PTPRR: variants seen among roughly 807,000 people sequenced by gnomAD.
PTPRR encodes receptor-type tyrosine-protein phosphatase R.
PTPRR carries 38 observed loss-of-function variants against 77.2 expected under a neutral mutation model. The observed-to-expected ratio is 0.49, with a 90% CI of 0.38 to 0.65. The LOEUF (loss-of-function observed/expected upper bound fraction) is 0.65, where lower values mean the gene tolerates loss of function less well. Among genes scored for constraint, PTPRR ranks in the 30% least tolerant of loss-of-function variants. PTPRR has a pLI of 0.00. For missense variants in PTPRR, 744 were observed against 799.2 expected (o/e 0.93, Z 0.83); for synonymous variants, 299 against 283.1 (o/e 1.06, Z -0.57).
intron 10 of PTPRR, among the ~76,000 whole-genome samples, chr12:70,674,644 A>C (rs1458422527): frequency 1.3e-5 from 2 of 152,178 alleles, no homozygotes; most frequent in Non-Finnish European, 2.9e-5. Flanking sequence ...GACTTGCTAT[A>C]TAGTCGTAGT....
chr12:70,819,577 C>G (rs996210335), intron 2 of PTPRR, among the ~76,000 whole-genome samples: 1 of 152,178 alleles, frequency 6.6e-6, no homozygotes, highest in African/African-American at 2.4e-5. Context: ...CAGTAAGTCA[C>G]TATTCTCTCA....
chr12:70,751,694 AT>A (rs66605644), intron 5 of PTPRR, among the ~76,000 whole-genome samples: 22,742 of 151,996 alleles, frequency 0.15, 2,040 homozygotes, highest in African/African-American at 0.26. Flanking sequence ...TTAATATACT[AT>A]TTTTTAGAGT....
intron 1 of PTPRR, among the ~76,000 whole-genome samples, chr12:70,918,844 G>A (rs1157251287): frequency 6.6e-6 from 1 of 152,158 alleles, no homozygotes; most frequent in African/African-American, 2.4e-5. Context: ...TCAACCCAAT[G>A]TGTATGTTTT....
chr12:70,759,656 G>A (rs1890642324), intron 4 of PTPRR, among the ~76,000 whole-genome samples: 1 of 130,194 alleles, frequency 7.7e-6, no homozygotes, highest in South Asian at 2.5e-4. Context: ...CTCCAGCCTG[G>A]GAGACAGAGC....
At chr12:70,785,740 A>G (rs1316446865) in intron 2 of PTPRR, among the ~76,000 whole-genome samples, 3 of 152,206 alleles carry the variant, frequency 2.0e-5, no homozygotes, top group African/African-American at 7.2e-5. Flanking sequence ...ATAGAAGAAA[A>G]CAGATTTAAC....
intron 3 of PTPRR, among the ~76,000 whole-genome samples, chr12:70,762,691 C>T (rs182461412): frequency 6.6e-6 from 1 of 152,322 alleles, no homozygotes; most frequent in East Asian, 1.9e-4. Context: ...CAAAACACCG[C>T]TAAGCGATAG....
At chr12:70,869,721 C>T (rs1247260569) in intron 2 of PTPRR, among the ~76,000 whole-genome samples, 1 of 151,980 alleles carries the variant, frequency 6.6e-6, no homozygotes, top group Non-Finnish European at 1.5e-5. Flanking sequence ...TGGGGCATTG[C>T]TATAAGGGGA....
chr12:70,813,942 G>A (rs895929438), intron 2 of PTPRR, among the ~76,000 whole-genome samples: 6 of 152,122 alleles, frequency 3.9e-5, no homozygotes, highest in African/African-American at 4.8e-5. Flanking sequence ...AAAAGAACAC[G>A]GGGAATAGTC....
chr12:70,832,249 A>C (rs556455974), intron 2 of PTPRR, among the ~76,000 whole-genome samples: 1 of 152,306 alleles, frequency 6.6e-6, no homozygotes, highest in African/African-American at 2.4e-5. Context: ...CAAGTATGTA[A>C]GTAGAGTAGG....
chr12:70,652,932 A>G (rs1046839893), intron 13 of PTPRR, among the ~76,000 whole-genome samples: 3 of 152,184 alleles, frequency 2.0e-5, no homozygotes, highest in Admixed American at 1.3e-4. Flanking sequence ...GCAAGAATTA[A>G]TGGTAACATA....
At chr12:70,668,135 C>G (rs1887077850) in intron 10 of PTPRR, among the ~76,000 whole-genome samples, 1 of 152,142 alleles carries the variant, frequency 6.6e-6, no homozygotes, top group Non-Finnish European at 1.5e-5. Flanking sequence ...GCAATCACTT[C>G]TTGCACTGTA....
intron 13 of PTPRR, among the ~76,000 whole-genome samples, chr12:70,650,325 G>A (rs1566042539): frequency 6.6e-6 from 1 of 152,056 alleles, no homozygotes; most frequent in Non-Finnish European, 1.5e-5. Context: ...AACTCGGGAG[G>A]CTGAGGCAGG....
chr12:70,684,293 GGTTTTTAA>G, intron 9 of PTPRR, 29 bp from the exon 10 acceptor site: 1 of 1,594,372 alleles, frequency 6.3e-7, no homozygotes. Flanking sequence ...CAAAAATATT[GGTTTTTAA>G]GTTCATGCCT....
chr12:70,866,109 A>T (rs367709983), intron 2 of PTPRR, among the ~76,000 whole-genome samples: 2 of 152,206 alleles, frequency 1.3e-5, no homozygotes, highest in African/African-American at 4.8e-5. Flanking sequence ...ACACCCTAAC[A>T]TCACAATTAA....
At chr12:70,826,901 G>T (rs1023038124) in intron 2 of PTPRR, among the ~76,000 whole-genome samples, 1 of 152,174 alleles carries the variant, frequency 6.6e-6, no homozygotes, top group Non-Finnish European at 1.5e-5. Context: ...ACACTGGCCT[G>T]CTTTCTGTCC....
Position 70,770,947 on chromosome 12 carries a change from T to C in PTPRR, c.358-6169A>G, listed in dbSNP as rs372050886. Among the ~76,000 whole-genome samples the C allele has an allele frequency of 6.7e-5, 9 of 133,582 alleles. No individual in the cohort carries two copies. The East Asian group carries it at 1.1e-3, about 16-fold the overall frequency. 87.6% of individuals were successfully genotyped at this position (133,582 alleles called of 152,430 possible). A position where few individuals can be genotyped will look rare whatever the true frequency, so the allele number is the denominator to read the frequency against. On this transcript the variant is annotated intron_variant, in intron 2 of 13. Coordinates refer to ENST00000283228, the MANE Select transcript of PTPRR (RefSeq NM_002849.4). ...CATATTCTCACTCATAGGTGGGAAT[T>C]GAACAATGAGAACTCATGAACACAG...
chr12:70,788,766 TCTTAACATTACACC>T (rs1269649823), intron 2 of PTPRR: 1 of 1,234,434 alleles, frequency 8.1e-7, no homozygotes, highest in African/African-American at 1.5e-5. Context: ...CCTCCTAAGC[TCTTAACATTACACC>T]GAGGACCCTC....
intron 6 of PTPRR, among the ~76,000 whole-genome samples, chr12:70,737,307 C>T (rs1280146196): frequency 2.6e-5 from 4 of 152,006 alleles, no homozygotes; most frequent in African/African-American, 7.3e-5. Flanking sequence ...GCCCTGCTTT[C>T]CTAATAAGCT....
intron 2 of PTPRR, among the ~76,000 whole-genome samples, chr12:70,858,941 C>T (rs546453498): frequency 7.1e-6 from 1 of 140,846 alleles, no homozygotes; most frequent in African/African-American, 2.6e-5. Context: ...TGATTTTCTT[C>T]TAGCATTTCG....
Sources: allele counts gnomAD v4.1 joint callset (sites outside exome capture counted in the v4.1 genomes callset), GRCh38; gene constraint gnomAD v4.1.1; transcripts MANE v1.5; gene names NCBI Gene and HGNC (gene_info 2026-07-23, HGNC 2026-07-21).